The following MAPKBP1 variants were observed in gnomAD, a reference collection of about 807,000 sequenced individuals.
MAPKBP1 encodes mitogen-activated protein kinase binding protein 1.
A neutral mutation model predicts 170.5 loss-of-function variants in MAPKBP1; 71 were observed. The ratio of observed to expected loss-of-function variants is 0.42; its 90% confidence interval spans 0.34 to 0.51. The LOEUF is 0.51. Among genes scored for constraint, MAPKBP1 ranks in the 20% least tolerant of loss-of-function variants. MAPKBP1 has a pLI of 0.06. For missense variants in MAPKBP1, 1,598 were observed against 1,933.0 expected (o/e 0.83, Z 3.25); for synonymous variants, 719 against 757.9 (o/e 0.95, Z 0.84).
Position 41,816,654 on chromosome 15 carries a change from A to G in MAPKBP1, c.1585+4A>G. The G allele has an allele frequency of 6.2e-7, 1 of 1,613,240 alleles. No homozygotes were observed. The highest frequency in any genetic ancestry group is 8.5e-7 in the Non-Finnish European group (1 of 1,179,636). ...GAGTATTCTAAGCCAGACACAGGTT[A>G]GGAGAATGCCCGGAATGGCACAGGG... On this transcript the variant is annotated splice_donor_region_variant and intron_variant, in intron 13 of 30. Transcript: ENST00000457542.
chr15:41,819,635 C>A lies in MAPKBP1; in HGVS notation c.2466C>A (p.His822Gln). 1.2e-6 allele frequency: 2 copies of A among 1,611,154 alleles called. No individual in the cohort carries two copies. Among genetic ancestry groups the A allele is most frequent in the East Asian group, 4.5e-5 (2 of 44,784 alleles). The change falls in exon 22 of 31, where the codon CAC (histidine) becomes CAA (glutamine). Residue 822 changes from histidine (H) to glutamine (Q), a missense_variant. By Grantham distance (24) the His-to-Gln change is conservative (BLOSUM62 0). Around this residue, in one of 6 missense-constraint regions of MAPKBP1, gnomAD observed 942 missense variants for 953.2 expected, o/e 0.99. Coordinates refer to ENST00000457542, the MANE Select transcript of MAPKBP1 (RefSeq NM_014994.3). ...PSPALPRSLS[H>Q]WEMSRAQESV... ...CAGCTTTGCCCCGAAGCCTGTCCCA[C>A]TGGGAGATGAGTCGGGTGAGTCGCC...
chr15:41,827,721 T>G lies in MAPKBP1; in HGVS notation c.*2285T>G. On this transcript the variant is annotated 3_prime_UTR_variant, in exon 31 of 31. Coordinates refer to ENST00000457542, the MANE Select transcript of MAPKBP1 (RefSeq NM_014994.3). ...CCCGCCTTGTTTTGAAAGCCCCTTA[T>G]TTATAACTTTTATACTTTGTGCAGG... The G allele has an allele frequency of 1.2e-5, 2 of 163,746 alleles. No homozygotes were observed. The highest frequency in any genetic ancestry group is 2.6e-5 in the Non-Finnish European group (2 of 75,708). 10.1% of individuals were successfully genotyped at this position (163,746 alleles called of 1,614,324 possible). A position where few individuals can be genotyped will look rare whatever the true frequency, so the allele number is the denominator to read the frequency against.
intron 7 of MAPKBP1, 59 bp downstream of exon 7, chr15:41,812,712 AC>A: frequency 6.5e-7 from 1 of 1,529,236 alleles, no homozygotes; most frequent in South Asian, 1.3e-5. Context: ...GCCCAGCCCA[AC>A]CCAGGAGACT....
intron 3 of MAPKBP1, among the ~76,000 whole-genome samples, chr15:41,800,602 T>C (rs974805349): frequency 2.6e-5 from 4 of 152,194 alleles, no homozygotes; most frequent in African/African-American, 9.6e-5. Flanking sequence ...CCCAAAGTGC[T>C]GGGATTACAG....
intron 21 of MAPKBP1, 38 bp from the exon 22 acceptor site, chr15:41,819,557 G>GGGGGGGAGC (rs1555454017): frequency 7.3e-7 from 1 of 1,375,042 alleles, no homozygotes; most frequent in Non-Finnish European, 1.0e-6. Context: ...CGGGGGGGGG[G>GGGGGGGAGC]CAGGAGACAC....
In MAPKBP1 at chr15:41,825,553, G is replaced by A. The variant is rs529311784; in HGVS notation, c.*117G>A. ...AGTGGAAAGCAGGGAGCAGTGTTCA[G>A]AGGCAAAGCAGCCTTCCCAGCCGCT... is the stretch of plus-strand genomic sequence containing the variant. On this transcript the variant is annotated 3_prime_UTR_variant, in exon 31 of 31. Transcript: ENST00000457542. 1 of 898,408 alleles carries A rather than the reference G, an allele frequency of 1.1e-6. No individual in the cohort carries two copies. Among genetic ancestry groups the A allele is most frequent in the South Asian group, 1.9e-5 (1 of 53,464 alleles). The allele number at this position is 898,408 out of a possible 1,614,324, so 55.7% of individuals were successfully genotyped here. A position where few individuals can be genotyped will look rare whatever the true frequency, so the allele number is the denominator to read the frequency against.
rs1429482927 is a variant in MAPKBP1, at chr15:41,826,917, G to C, written c.*1481G>C. 1.3e-5 allele frequency: 2 copies of C among 152,236 alleles called. No individual in the cohort carries two copies. Among genetic ancestry groups the C allele is most frequent in the Non-Finnish European group, 2.9e-5 (2 of 68,100 alleles). 9.4% of individuals were successfully genotyped at this position (152,236 alleles called of 1,614,324 possible). ...GCCCTACTGCTCCCCTCTGCTGCAG[G>C]TAAGTCAGAGCAGCTTTACCACAGC... On this transcript the variant is annotated 3_prime_UTR_variant, in exon 31 of 31. Transcript: ENST00000457542.
At position 41,822,094 on chromosome 15, in the gene MAPKBP1, G is replaced by C; in HGVS notation, c.3015G>C (p.Pro1005=). ...ACAGCAGCAGCTGCCTTTCCAGCCC[G>C]GAGCACCCCACTGAAGGTGAGGCTG... ...VDYSSSCLSS[P]EHPTEDSEST... is the part of the protein sequence containing the mutation. The change falls in exon 25 of 31, where the codon CCG becomes CCC. Residue 1005 remains proline (P), a synonymous_variant. Coordinates refer to ENST00000457542, the MANE Select transcript of MAPKBP1 (RefSeq NM_014994.3). 1.9e-6 allele frequency: 3 copies of C among 1,607,128 alleles called. No individual in the cohort carries two copies. Among genetic ancestry groups the C allele is most frequent in the Non-Finnish European group, 2.5e-6 (3 of 1,176,714 alleles).
intron 29 of MAPKBP1, 37 bp from the exon 30 acceptor site, chr15:41,824,447 A>G (rs369283769): frequency 8.8e-5 from 136 of 1,546,438 alleles, no homozygotes; most frequent in Non-Finnish European, 1.1e-4. Context: ...AAAGGGCTAC[A>G]TGCTGGGCCT....
At chr15:41,819,516 C>CTGATGGG (rs1259523594) in intron 21 of MAPKBP1, 79 bp from the exon 22 acceptor site, 3 of 1,415,102 alleles carry the variant, frequency 2.1e-6, no homozygotes, top group Non-Finnish European at 2.9e-6. Flanking sequence ...AGGGTATGGG[C>CTGATGGG]TGATGGGGCC....
chr15:41,808,462 A>G (rs954321768), intron 3 of MAPKBP1, among the ~76,000 whole-genome samples: 3 of 146,916 alleles, frequency 2.0e-5, no homozygotes, highest in Non-Finnish European at 3.0e-5. Context: ...TTCCAGAGCC[A>G]TCTTGCTTTT....
intron 30 of MAPKBP1, 147 bp from the exon 31 acceptor site, chr15:41,825,062 C>G (rs999966791): frequency 4.8e-6 from 3 of 621,238 alleles, no homozygotes; most frequent in Admixed American, 6.2e-5. Context: ...TGCCTGCATC[C>G]CATGTTCCCT....
At chr15:41,795,722 T>A (rs2064476675) in intron 2 of MAPKBP1, among the ~76,000 whole-genome samples, 1 of 152,230 alleles carries the variant, frequency 6.6e-6, no homozygotes, top group Admixed American at 6.5e-5. Flanking sequence ...TTGTCCTGCC[T>A]CAGCCTCCCC....
In MAPKBP1 at chr15:41,823,073, G is replaced by T; in HGVS notation, c.3449G>T (p.Gly1150Val). Residue 1150 changes from glycine to valine, a missense_variant, in exon 28 of 31, where the codon GGC (glycine) becomes GTC (valine). By Grantham distance (109) the Gly-to-Val change is moderately radical. Transcript: ENST00000457542. ...CCCCCGGAGGTGGAACCGTCCTCTGGCAACCCCAGCCCCCAGCAGGCAGCC... is the reference window on the plus strand; with the variant it reads ...CCCCCGGAGGTGGAACCGTCCTCTGTCAACCCCAGCCCCCAGCAGGCAGCC... Reference protein sequence around the residue: ...GAPPEVEPSSGNPSPQQAASV... With the variant: ...GAPPEVEPSSVNPSPQQAASV... 1.2e-6 allele frequency: 2 copies of T among 1,613,852 alleles called. No homozygotes were observed.
chr15:41,815,193 T>G, intron 10 of MAPKBP1, 66 bp from the exon 11 acceptor site: 2 of 1,591,998 alleles, frequency 1.3e-6, no homozygotes, highest in Non-Finnish European at 1.7e-6. Context: ...TTCCCTTCCA[T>G]CTCCTTGGGT....
At position 41,814,743 on chromosome 15, in the gene MAPKBP1, T is replaced by A. The variant is rs760238168; in HGVS notation, c.1170+4T>A. ...TTCCTGCGTCTGGAGTGTGGAGGTA[T>A]GTGGGCTGGCTGGCTGGCTGGAGAC... On this transcript the variant is annotated splice_donor_region_variant and intron_variant, in intron 10 of 30. Transcript: ENST00000457542. The A allele has an allele frequency of 2.5e-6, 4 of 1,613,456 alleles. No homozygotes were observed. The East Asian group carries it at 8.9e-5, about 36-fold the overall frequency.
At chr15:41,823,342 T>C in intron 28 of MAPKBP1, 105 bp from the exon 29 acceptor site, 1 of 1,545,166 alleles carries the variant, frequency 6.5e-7, no homozygotes, top group Non-Finnish European at 8.7e-7. Context: ...TAGGTGTCCC[T>C]TAATGGGCAT....
At position 41,820,894 on chromosome 15, in the gene MAPKBP1, A is replaced by C; in HGVS notation, c.2544A>C (p.Arg848Ser). 6.2e-7 allele frequency: 1 copy of C among 1,614,084 alleles called. No individual in the cohort carries two copies. The highest frequency in any genetic ancestry group is 8.5e-7 in the Non-Finnish European group (1 of 1,179,998). The change falls in exon 23 of 31, where the codon AGA becomes AGC. Residue 848 changes from arginine (R) to serine (S), a missense_variant. Around this residue, in one of 6 missense-constraint regions of MAPKBP1, gnomAD observed 942 missense variants for 953.2 expected, o/e 0.99. Transcript: ENST00000457542. ...APAANPGPRR[R>S]GRWVQPGVEL... Reference sequence around the variant, plus strand: ...CAGCCAACCCAGGACCCAGAAGAAGAGGGCGCTGGGTTCAGCCAGGTGTGG... The same window carrying C: ...CAGCCAACCCAGGACCCAGAAGAAGCGGGCGCTGGGTTCAGCCAGGTGTGG...
At chr15:41,793,828 G>A (rs976007179) in intron 2 of MAPKBP1, among the ~76,000 whole-genome samples, 10 of 152,228 alleles carry the variant, frequency 6.6e-5, no homozygotes, top group East Asian at 3.8e-4. Context: ...GCCTGCTGCC[G>A]TGCTTAGCAG....
Sources: gnomAD v4.1 joint callset for allele counts (sites outside exome capture counted in the v4.1 genomes callset) on GRCh38, gnomAD v4.1.1 for gene constraint, gnomAD v4.1.1 regional missense constraint, MANE v1.5 for transcripts, NCBI Gene and HGNC (gene_info 2026-07-23, HGNC 2026-07-21) for gene names.